GDA: variants seen among roughly 807,000 people sequenced by gnomAD.
The protein encoded by GDA is guanine deaminase, also known as cytoplasmic PSD-95 interactor.
GDA carries 18 observed loss-of-function variants against 59.6 expected under a neutral mutation model. That is an observed-to-expected ratio of 0.30 (90% confidence interval 0.21 to 0.45). The LOEUF (loss-of-function observed/expected upper bound fraction) is 0.45. Ranked by LOEUF, GDA falls within the 20% of genes least tolerant of loss-of-function variation. The pLI is 1.00. For synonymous variants in GDA, 201 were observed against 201.1 expected (o/e 1.00, Z 0.00); for missense variants, 427 against 552.3 (o/e 0.77, Z 2.27).
chr9:72,230,995 A>G, intron 9 of GDA, 119 bp from the exon 10 acceptor site: 3 of 731,608 alleles, frequency 4.1e-6, no homozygotes, highest in Non-Finnish European at 7.6e-6. Flanking sequence ...TTGTGTCAAC[A>G]TTAGAGCCGA....
chr9:72,243,827 T>C (rs1295186039), intron 11 of GDA, among the ~76,000 whole-genome samples: 3 of 152,220 alleles, frequency 2.0e-5, no homozygotes, highest in African/African-American at 7.2e-5. Context: ...GTCGATTCAA[T>C]ATTTTCACAT....
At chr9:72,182,868 C>T (rs534110198) in intron 1 of GDA, among the ~76,000 whole-genome samples, 4 of 152,120 alleles carry the variant, frequency 2.6e-5, no homozygotes, top group South Asian at 4.2e-4. Context: ...CATGGATTCC[C>T]ATATTATTCT....
chr9:72,149,456 CT>C lies in GDA; in HGVS notation c.-103del, dbSNP rs1448620618. The C allele has an allele frequency of 1.6e-4, 230 of 1,395,790 alleles. No homozygotes were observed. In the East Asian group the frequency reaches 5.6e-3, roughly 34 times the overall value. 86.5% of individuals were successfully genotyped at this position (1,395,790 alleles called of 1,614,324 possible). A position where few individuals can be genotyped will look rare whatever the true frequency, so the allele number is the denominator to read the frequency against. ...AGCGGGGGCAGGACAAGGCCGGAGC[CT>C]GTGTCCGCCCGGCAGCCGCCCGCAG... On this transcript the variant is annotated 5_prime_UTR_variant, in exon 1 of 14. Coordinates refer to ENST00000358399, the MANE Select transcript of GDA (RefSeq NM_004293.5).
chr9:72,154,937 A>T (rs989994325), intron 1 of GDA, among the ~76,000 whole-genome samples: 1 of 152,304 alleles, frequency 6.6e-6, no homozygotes, highest in East Asian at 1.9e-4. Context: ...AAGTATGCAA[A>T]TACTGCCCTG....
chr9:72,182,544 A>C (rs906181853), intron 1 of GDA, among the ~76,000 whole-genome samples: 5 of 152,130 alleles, frequency 3.3e-5, no homozygotes, highest in Admixed American at 2.6e-4. Context: ...TTGTCCCGTT[A>C]TTGGTGATGT....
intron 1 of GDA, among the ~76,000 whole-genome samples, chr9:72,158,918 A>G (rs79447753): frequency 0.033 from 5,044 of 152,106 alleles, 120 homozygotes; most frequent in Non-Finnish European, 0.05. Flanking sequence ...CTACTTTACA[A>G]ATGAGGAAAC....
intron 5 of GDA, among the ~76,000 whole-genome samples, chr9:72,217,648 T>C (rs1836303241): frequency 6.6e-6 from 1 of 152,198 alleles, no homozygotes; most frequent in Non-Finnish European, 1.5e-5. Context: ...TCATTTACCC[T>C]CTCCCTACCC....
At chr9:72,161,083 T>C (rs1273224715) in intron 1 of GDA, among the ~76,000 whole-genome samples, 2 of 151,826 alleles carry the variant, frequency 1.3e-5, no homozygotes, top group African/African-American at 4.8e-5. Flanking sequence ...TTTTTTTGTA[T>C]TTTTAGTAGA....
chr9:72,131,472 T>C (rs1249716497), intron 1 of GDA, among the ~76,000 whole-genome samples: 4 of 150,810 alleles, frequency 2.7e-5, no homozygotes, highest in Non-Finnish European at 5.9e-5. Context: ...TTTATGAGCA[T>C]CCACCCCCAC....
downstream of GDA, among the ~76,000 whole-genome samples, chr9:72,252,821 T>C (rs1840785827): frequency 6.6e-6 from 1 of 152,174 alleles, no homozygotes; most frequent in Non-Finnish European, 1.5e-5. Context: ...TGTCCATTTC[T>C]AACTCTGTGA....
chr9:72,249,578 C>T lies in GDA; in HGVS notation c.*1236C>T, dbSNP rs1202086875. ...CTAGACATCTAGGAACATTACAAAG[C>T]AAAGACTATTTTTATGCTTCCATAA... On this transcript the variant is annotated 3_prime_UTR_variant, in exon 14 of 14. Coordinates refer to ENST00000358399, the MANE Select transcript of GDA (RefSeq NM_004293.5). The T allele has an allele frequency of 1.6e-6, 1 of 631,322 alleles. No homozygotes were observed. Among genetic ancestry groups the T allele is most frequent in the Non-Finnish European group, 2.0e-6 (1 of 507,212 alleles). The allele number at this position is 631,322 out of a possible 1,614,324, so 39.1% of individuals were successfully genotyped here. A position where few individuals can be genotyped will look rare whatever the true frequency, so the allele number is the denominator to read the frequency against.
At chr9:72,241,550 T>G (rs1839612309) in intron 11 of GDA, among the ~76,000 whole-genome samples, 1 of 152,166 alleles carries the variant, frequency 6.6e-6, no homozygotes, top group African/African-American at 2.4e-5. Flanking sequence ...TTTTAATGGG[T>G]ATTACATTGG....
intron 1 of GDA, among the ~76,000 whole-genome samples, chr9:72,166,473 G>A (rs988030851): frequency 6.6e-6 from 1 of 152,084 alleles, no homozygotes; most frequent in Non-Finnish European, 1.5e-5. Flanking sequence ...AGGGCAGCTA[G>A]ATAGAAGTTA....
At chr9:72,167,457 G>A (rs1829452685) in intron 1 of GDA, among the ~76,000 whole-genome samples, 2 of 152,246 alleles carry the variant, frequency 1.3e-5, no homozygotes, top group African/African-American at 4.8e-5. Flanking sequence ...TTAGCAGTTT[G>A]ATGAGCATAC....
rs1248025666 is a variant in GDA at position 72,250,986 on chromosome 9, G to A, written c.*2644G>A. On this transcript the variant is annotated 3_prime_UTR_variant, in exon 14 of 14. Transcript: ENST00000358399. ...GAAGTAAAAGATTAGGATGTGAAAG[G>A]TTGTCCTAAACAGACCAAGGAGACT... The A allele has an allele frequency of 4.6e-6, 3 of 658,948 alleles. No individual in the cohort carries two copies. Among genetic ancestry groups the A allele is most frequent in the Non-Finnish European group, 7.8e-6 (3 of 386,146 alleles). The allele number at this position is 658,948 out of a possible 1,614,324, so 40.8% of individuals were successfully genotyped here.
At chr9:72,138,943 T>C (rs12337244) in intron 1 of GDA, among the ~76,000 whole-genome samples, 18,602 of 152,188 alleles carry the variant, frequency 0.12, 2,373 homozygotes, top group African/African-American at 0.32. Context: ...GAATAATTTA[T>C]GTAATTAAGT....
In GDA at chr9:72,152,314, T is replaced by C. The variant is rs540550520; in HGVS notation, c.123+2632T>C. Among the ~76,000 whole-genome samples the C allele has an allele frequency of 2.6e-5, 4 of 152,336 alleles. No homozygotes were observed. The South Asian group carries it at 6.2e-4, about 24-fold the overall frequency. ...TATAACTTCGTTTAGGCCCAGAGAA[T>C]GCCAATGACTAACTGCTCTTAATAC... On this transcript the variant is annotated intron_variant, in intron 1 of 13. Transcript: ENST00000358399.
chr9:72,195,337 C>CTTTTTTTTTT (rs55634274), intron 1 of GDA, among the ~76,000 whole-genome samples, 163 bp from the exon 2 acceptor site: 1 of 119,560 alleles, frequency 8.4e-6, no homozygotes, highest in African/African-American at 3.1e-5. Flanking sequence ...AAACACCTGT[C>CTTTTTTTTTT]TTTTTTTTTT....
chr9:72,175,215 G>A (rs1167194727), intron 1 of GDA, among the ~76,000 whole-genome samples: 8 of 152,280 alleles, frequency 5.3e-5, no homozygotes, highest in South Asian at 2.1e-4. Context: ...CACCCAGGCT[G>A]GAGTGCAGTG....
Sources: allele counts gnomAD v4.1 joint callset (sites outside exome capture counted in the v4.1 genomes callset), GRCh38; gene constraint gnomAD v4.1.1; transcripts MANE v1.5; gene names NCBI Gene and HGNC (gene_info 2026-07-23, HGNC 2026-07-21).